The following MBP variants were observed in gnomAD, a reference collection of about 807,000 sequenced individuals.
The protein encoded by MBP is Golli-MBP.
In MBP, 16 loss-of-function variants were observed where a neutral mutation model predicts 35.8. The observed-to-expected ratio is 0.45, with a 90% CI of 0.30 to 0.68. The LOEUF (loss-of-function observed/expected upper bound fraction) is 0.68, where lower values mean the gene tolerates loss of function less well. Ranked by LOEUF, MBP falls within the 30% of genes least tolerant of loss-of-function variation. The pLI is 0.08. For synonymous variants in MBP, 143 were observed against 159.6 expected (o/e 0.90, Z 0.78); for missense variants, 380 against 404.7 (o/e 0.94, Z 0.52).
chr18:77,042,058 C>A (rs778660657), intron 3 of MBP, among the ~76,000 whole-genome samples: 2 of 152,126 alleles, frequency 1.3e-5, no homozygotes, highest in Admixed American at 1.3e-4. Flanking sequence ...AGAAACAAGT[C>A]CCACCTGGAG....
Position 76,988,134 on chromosome 18 carries a change from TG to T in MBP, c.750+360del. 6.5e-7 allele frequency: 1 copy of T among 1,528,728 alleles called. No individual in the cohort carries two copies. 94.7% of individuals were successfully genotyped at this position (1,528,728 alleles called of 1,614,324 possible). On this transcript the variant is annotated intron_variant, in intron 7 of 8. Transcript: ENST00000355994. This position sits in a 1 kb window ranked among gnomAD's most constrained non-coding sequence, Gnocchi z 5.2. Reference sequence around the variant, plus strand: ...AGTCCCACTTCCACATGCGGGTTCCTGGGGCTTCTCGCACTGGTTGTGTTGG... The same window carrying T: ...AGTCCCACTTCCACATGCGGGTTCCTGGGCTTCTCGCACTGGTTGTGTTGG...
chr18:77,067,506 G>GT (rs1441049255), intron 2 of MBP, among the ~76,000 whole-genome samples: 1 of 152,176 alleles, frequency 6.6e-6, no homozygotes, highest in East Asian at 1.9e-4. Flanking sequence ...TCACATTTGT[G>GT]TTTTTCAACC....
intron 4 of MBP, among the ~76,000 whole-genome samples, chr18:76,998,674 G>A (rs547461260): frequency 1.3e-5 from 2 of 152,300 alleles, no homozygotes; most frequent in African/African-American, 4.8e-5. Flanking sequence ...GAAGGTCGAC[G>A]TGCATTTACA....
rs1462320210 is a variant in MBP at position 77,029,063 on chromosome 18, T to G, written c.140-11795A>C. 2.9e-5 allele frequency among the ~76,000 whole-genome samples: 3 copies of G among 103,254 alleles called. 1 individual carries two copies. Among genetic ancestry groups the G allele is most frequent in the Non-Finnish European group, 7.4e-5 (3 of 40,310 alleles). 67.7% of individuals were successfully genotyped at this position (103,254 alleles called of 152,430 possible). On this transcript the variant is annotated intron_variant, in intron 3 of 8. Coordinates refer to ENST00000355994, the MANE Select transcript of MBP (RefSeq NM_001025101.2). ...ACTTTGGGAGGCCAAGGCAGGCGGCTGGGAGGTGGAGGTTGTAGCGAGCCG... is the reference window on the plus strand; with the variant it reads ...ACTTTGGGAGGCCAAGGCAGGCGGCGGGGAGGTGGAGGTTGTAGCGAGCCG...
Position 76,985,393 on chromosome 18 carries a change from G to A in MBP, c.751-499C>T, listed in dbSNP as rs1210423034. 20 of 1,240,928 alleles carry A rather than the reference G, an allele frequency of 1.6e-5. No individual in the cohort carries two copies. The East Asian group carries it at 1.1e-3, about 67-fold the overall frequency. The allele number at this position is 1,240,928 out of a possible 1,614,324, so 76.9% of individuals were successfully genotyped here. A position where few individuals can be genotyped will look rare whatever the true frequency, so the allele number is the denominator to read the frequency against. ...TTTTGCTGATTGATTTGCACAGATT[G>A]GATTCTGGTCACATGTGCCCTGTGG... On this transcript the variant is annotated intron_variant, in intron 7 of 8. Transcript: ENST00000355994.
intron 3 of MBP, among the ~76,000 whole-genome samples, chr18:77,037,551 C>T (rs559292): frequency 0.95 from 145,382 of 152,346 alleles, 69,395 homozygotes; most frequent in East Asian, 1. Context: ...GGGATGATTC[C>T]GGAGGGCTGT....
At chr18:76,985,510 G>A in intron 7 of MBP, 1 of 1,175,976 alleles carries the variant, frequency 8.5e-7, no homozygotes, top group Non-Finnish European at 1.1e-6. Flanking sequence ...AAAATCCTGA[G>A]CTCTCTCCCA....
At chr18:76,999,456 T>A (rs1253877358) in intron 4 of MBP, among the ~76,000 whole-genome samples, 2 of 150,644 alleles carry the variant, frequency 1.3e-5, no homozygotes, top group African/African-American at 4.9e-5. Context: ...CTGTTTAGTT[T>A]AGGTATTTTT....
At chr18:77,064,035 T>C (rs1340185202) in intron 3 of MBP, among the ~76,000 whole-genome samples, 1 of 152,176 alleles carries the variant, frequency 6.6e-6, no homozygotes, top group Non-Finnish European at 1.5e-5. Flanking sequence ...AACAGTAGGC[T>C]TAGCCAAAAT....
At chr18:77,031,900 G>C (rs530334734) in intron 3 of MBP, among the ~76,000 whole-genome samples, 75 of 152,302 alleles carry the variant, frequency 4.9e-4, no homozygotes, top group African/African-American at 1.8e-3. Flanking sequence ...GGCTTTTGTC[G>C]AGCACTCAGC....
chr18:77,124,679 G>A (rs755579806), intron 1 of MBP, among the ~76,000 whole-genome samples: 9 of 152,194 alleles, frequency 5.9e-5, no homozygotes, highest in Non-Finnish European at 1.3e-4. Context: ...ATAGGGCTTT[G>A]GGGACTTCCT....
At chr18:77,120,884 G>T (rs1345951404) in intron 1 of MBP, among the ~76,000 whole-genome samples, 2 of 152,198 alleles carry the variant, frequency 1.3e-5, no homozygotes, top group African/African-American at 4.8e-5. Context: ...CAAGATTTAG[G>T]ACCCCGTGAG....
chr18:77,089,706 C>T (rs542460777), intron 2 of MBP, among the ~76,000 whole-genome samples: 6 of 152,306 alleles, frequency 3.9e-5, no homozygotes, highest in Admixed American at 2.6e-4. Context: ...CTTTTCAGGC[C>T]GGAGGGTCCC....
At chr18:77,122,507 G>T (rs970681358) in intron 1 of MBP, among the ~76,000 whole-genome samples, 1 of 152,168 alleles carries the variant, frequency 6.6e-6, no homozygotes, top group Non-Finnish European at 1.5e-5. Context: ...CGGCATAGAA[G>T]ACAGCAAAAC....
At chr18:77,079,316 C>A (rs760753707) in intron 2 of MBP, among the ~76,000 whole-genome samples, 61 of 152,278 alleles carry the variant, frequency 4.0e-4, no homozygotes, top group Admixed American at 3.5e-3. Context: ...TGGCACCTGG[C>A]GGGCACTGGG....
chr18:76,985,220 G>T (rs750486870), intron 7 of MBP: 1 of 1,399,842 alleles, frequency 7.1e-7, no homozygotes, highest in Non-Finnish European at 9.5e-7. Flanking sequence ...GCTGTGGGGT[G>T]TTCAAGAGAA....
intron 3 of MBP, among the ~76,000 whole-genome samples, chr18:77,039,854 C>T (rs1972913945): frequency 6.6e-6 from 1 of 152,154 alleles, no homozygotes; most frequent in Non-Finnish European, 1.5e-5. Flanking sequence ...ATGCCCAGCC[C>T]CTGTCCGGTC....
Position 77,102,209 on chromosome 18 carries a change from T to C in MBP, c.51+3002A>G, listed in dbSNP as rs1392716094. On this transcript the variant is annotated intron_variant, in intron 2 of 8. Transcript: ENST00000355994. This position sits in a 1 kb window ranked among gnomAD's most constrained non-coding sequence, Gnocchi z 4.4. ...GGGCCGGGCAGTGGGGCAGAGGCAG[T>C]GTGTGGGGTAGACCGGGCAGCCCCC... 6.6e-6 allele frequency among the ~76,000 whole-genome samples: 1 copy of C among 152,042 alleles called. No individual in the cohort carries two copies. Among genetic ancestry groups the C allele is most frequent in the African/African-American group, 2.4e-5 (1 of 41,370 alleles).
chr18:77,056,912 G>A (rs940273626), intron 3 of MBP, among the ~76,000 whole-genome samples: 1 of 152,110 alleles, frequency 6.6e-6, no homozygotes, highest in Non-Finnish European at 1.5e-5. Flanking sequence ...AGGAGAGGCT[G>A]CCGAGGAGAA....
Sources: gnomAD v4.1 joint callset for allele counts (sites outside exome capture counted in the v4.1 genomes callset) on GRCh38, gnomAD v4.1.1 for gene constraint, Gnocchi (gnomAD v3.1) non-coding constraint, MANE v1.5 for transcripts, NCBI Gene and HGNC (gene_info 2026-07-23, HGNC 2026-07-21) for gene names.